CD58: variants seen among roughly 807,000 people sequenced by gnomAD.
CD58 encodes the protein lymphocyte function-associated antigen 3.
Under a neutral mutation model 27.6 loss-of-function variants are expected in CD58, and 14 were observed. That is an observed-to-expected ratio of 0.51 (90% CI 0.34 to 0.79). The LOEUF (loss-of-function observed/expected upper bound fraction) is 0.79, where lower values mean the gene tolerates loss of function less well. CD58 is among the 30% of genes least tolerant of loss of function. The pLI, the probability that CD58 is intolerant of heterozygous loss-of-function variation, is 0.02. For synonymous variants in CD58, 117 were observed against 103.8 expected (o/e 1.13, Z -0.77); for missense variants, 268 against 301.7 (o/e 0.89, Z 0.83).
Position 116,531,735 on chromosome 1 carries a change from T to G in CD58, c.628+4230A>C, listed in dbSNP as rs1657616353. On this transcript the variant is annotated intron_variant, in intron 3 of 5. Coordinates refer to ENST00000369489, the MANE Select transcript of CD58 (RefSeq NM_001779.3). The surrounding 1 kb of genome is among the most constrained non-coding windows in gnomAD (Gnocchi z 4.5). ...TCTATCAGTTATAAATTGGGACTCA[T>G]TTGCACTTTTTCTTTTTTTTCTCCG... Among the ~76,000 whole-genome samples, 1 of 152,244 alleles carries G rather than the reference T, an allele frequency of 6.6e-6. No homozygotes were observed. The highest frequency in any genetic ancestry group is 6.5e-5 in the Admixed American group (1 of 15,288).
In CD58 at chr1:116,528,695, A is replaced by G. The variant is rs1232405112; in HGVS notation, c.629-6712T>C. Among the ~76,000 whole-genome samples the G allele has an allele frequency of 2.0e-5, 3 of 152,170 alleles. No individual in the cohort carries two copies. The highest frequency in any genetic ancestry group is 7.2e-5 in the African/African-American group (3 of 41,432). ...TCTTCCCAGCAGTTATCTAAAAGAG[A>G]ATGGTGAAGTGCACTGGGTTTCTTT... On this transcript the variant is annotated intron_variant, in intron 3 of 5. Transcript: ENST00000369489. This position sits in a 1 kb window ranked among gnomAD's most constrained non-coding sequence, Gnocchi z 4.4.
At chr1:116,558,453 G>A (rs879086913) in intron 1 of CD58, among the ~76,000 whole-genome samples, 22 of 151,196 alleles carry the variant, frequency 1.5e-4, no homozygotes, top group Non-Finnish European at 2.4e-4. Flanking sequence ...AGGATGTGTG[G>A]CAATCTGGGA....
intron 3 of CD58, among the ~76,000 whole-genome samples, chr1:116,535,363 A>T (rs928349647): frequency 2.0e-4 from 30 of 152,240 alleles, no homozygotes; most frequent in Non-Finnish European, 4.1e-4. Context: ...TGAGCAAACA[A>T]CTTAAACTCT....
rs529443951 is a variant in CD58, at chr1:116,533,239, C to A, written c.628+2726G>T. The A allele has an allele frequency of 2.1e-5, 18 of 860,730 alleles. No individual in the cohort carries two copies. In the African/African-American group the frequency reaches 2.3e-4, roughly 11 times the overall value. 53.3% of individuals were successfully genotyped at this position (860,730 alleles called of 1,614,324 possible). A position where few individuals can be genotyped will look rare whatever the true frequency, so the allele number is the denominator to read the frequency against. ...AAGTTGAAAAATGACTCATTGGATA[C>A]TTGTTTGGTAATTGTTCTAACAGTG... On this transcript the variant is annotated intron_variant, in intron 3 of 5. Transcript: ENST00000369489.
rs1657717611 is a variant in CD58 at position 116,534,365 on chromosome 1, T to C, written c.628+1600A>G. On this transcript the variant is annotated intron_variant, in intron 3 of 5. Transcript: ENST00000369489. This position sits in a 1 kb window ranked among gnomAD's most constrained non-coding sequence, Gnocchi z 5.3. ...GGAAAAACTCAAATTCCTAAACATC[T>C]AATAAAGAGGTCCTGGACGTCTCCA... is the stretch of plus-strand genomic sequence containing the variant. Among the ~76,000 whole-genome samples, 1 of 152,186 alleles carries C rather than the reference T, an allele frequency of 6.6e-6. No homozygotes were observed. The highest frequency in any genetic ancestry group is 2.1e-4 in the South Asian group (1 of 4,832).
Position 116,514,741 on chromosome 1 carries a change from A to T in CD58, c.*72T>A, listed in dbSNP as rs1657021608. The T allele has an allele frequency of 7.0e-6, 7 of 1,006,536 alleles. No individual in the cohort carries two copies. The highest frequency in any genetic ancestry group is 1.1e-5 in the Non-Finnish European group (7 of 660,042). 62.4% of individuals were successfully genotyped at this position (1,006,536 alleles called of 1,614,324 possible). ...GTTGTTCAAAAATTGTAATACTCAA[A>T]TGAGAAATCAGATGGCTTTTTAGTT... On this transcript the variant is annotated 3_prime_UTR_variant, in exon 6 of 6. Coordinates refer to ENST00000369489, the MANE Select transcript of CD58 (RefSeq NM_001779.3).
chr1:116,535,942 G>A, intron 3 of CD58, 23 bp downstream of exon 3: 1 of 1,571,248 alleles, frequency 6.4e-7, no homozygotes, highest in East Asian at 2.3e-5. Flanking sequence ...AAGCCTCCAT[G>A]ACACATTTAG....
At chr1:116,544,243 G>T in intron 2 of CD58, 68 bp downstream of exon 2, 1 of 1,056,116 alleles carries the variant, frequency 9.5e-7, no homozygotes, top group Non-Finnish European at 1.4e-6. Context: ...ATTTGTGCTA[G>T]TCTCTGAAAA....
At position 116,515,320 on chromosome 1, in the gene CD58, C is replaced by T. The variant is rs934521147; in HGVS notation, c.744-498G>A. ...CGCATCCTTGAGCAAGCCCTCAAACCGAGTCCATTTCCCGGCCTCCTCCCC... is the reference window on the plus strand; with the variant it reads ...CGCATCCTTGAGCAAGCCCTCAAACTGAGTCCATTTCCCGGCCTCCTCCCC... On this transcript the variant is annotated intron_variant, in intron 5 of 5. Coordinates refer to ENST00000369489, the MANE Select transcript of CD58 (RefSeq NM_001779.3). This position sits in a 1 kb window ranked among gnomAD's most constrained non-coding sequence, Gnocchi z 4.6. Among the ~76,000 whole-genome samples the T allele has an allele frequency of 6.6e-6, 1 of 152,170 alleles. No individual in the cohort carries two copies. Among genetic ancestry groups the T allele is most frequent in the Non-Finnish European group, 1.5e-5 (1 of 68,052 alleles).
chr1:116,544,695 A>G (rs1340287964), intron 1 of CD58, 91 bp from the exon 2 acceptor site: 32 of 801,576 alleles, frequency 4.0e-5, no homozygotes, highest in Non-Finnish European at 4.7e-5. Context: ...AAGCTGACAA[A>G]CTGCTGACAC....
chr1:116,529,704 AGGAGTTT>A (rs1657534561), intron 3 of CD58, among the ~76,000 whole-genome samples: 1 of 152,260 alleles, frequency 6.6e-6, no homozygotes, highest in South Asian at 2.1e-4. Flanking sequence ...AATCATTTAC[AGGAGTTT>A]GTTGTGGAGC....
At chr1:116,562,229 C>T (rs560926170) in intron 1 of CD58, among the ~76,000 whole-genome samples, 221 of 152,138 alleles carry the variant, frequency 1.5e-3, no homozygotes, top group African/African-American at 5.2e-3. Flanking sequence ...ATACAAGGAA[C>T]TTAAAATCTA....
At chr1:116,549,844 C>T (rs775798476) in intron 1 of CD58, among the ~76,000 whole-genome samples, 5 of 152,016 alleles carry the variant, frequency 3.3e-5, no homozygotes, top group African/African-American at 9.7e-5. Context: ...TTGAAGATAC[C>T]GTGGGTTTGG....
chr1:116,524,009 C>T lies in CD58; in HGVS notation c.629-2026G>A, dbSNP rs1479218701. On this transcript the variant is annotated intron_variant, in intron 3 of 5. Coordinates refer to ENST00000369489, the MANE Select transcript of CD58 (RefSeq NM_001779.3). This position sits in a 1 kb window ranked among gnomAD's most constrained non-coding sequence, Gnocchi z 4.6. ...GAAGTTGTTATTCTTATTGATGTTC[C>T]AATTGTCTTATTTTTGGCCAGAGGG... Among the ~76,000 whole-genome samples, 4 of 152,092 alleles carry T rather than the reference C, an allele frequency of 2.6e-5. No homozygotes were observed. The highest frequency in any genetic ancestry group is 9.7e-5 in the African/African-American group (4 of 41,420).
intron 1 of CD58, among the ~76,000 whole-genome samples, chr1:116,549,036 G>A (rs1437058062): frequency 2.0e-5 from 3 of 152,130 alleles, no homozygotes; most frequent in Non-Finnish European, 2.9e-5. Context: ...TGACTCCTTG[G>A]TCAGTGCCCT....
intron 3 of CD58, among the ~76,000 whole-genome samples, chr1:116,529,316 A>G (rs1404471649): frequency 6.6e-6 from 1 of 152,250 alleles, no homozygotes; most frequent in African/African-American, 2.4e-5. Context: ...ATCTACTCTG[A>G]CCGCAGATAA....
chr1:116,530,571 G>A (rs546866267), intron 3 of CD58, among the ~76,000 whole-genome samples: 2 of 152,252 alleles, frequency 1.3e-5, no homozygotes, highest in South Asian at 4.1e-4. Flanking sequence ...TAGTGGTGAG[G>A]AGCAAATGAG....
Position 116,550,815 on chromosome 1 carries a change from G to T in CD58, c.71-6211C>A, listed in dbSNP as rs1383883939. Among the ~76,000 whole-genome samples, 1 of 152,120 alleles carries T rather than the reference G, an allele frequency of 6.6e-6. No homozygotes were observed. The highest frequency in any genetic ancestry group is 2.4e-5 in the African/African-American group (1 of 41,502). On this transcript the variant is annotated intron_variant, in intron 1 of 5. Coordinates refer to ENST00000369489, the MANE Select transcript of CD58 (RefSeq NM_001779.3). The surrounding 1 kb of genome is among the most constrained non-coding windows in gnomAD (Gnocchi z 4.2). ...ATTCCTACATAATAAGACTTCAAAG[G>T]CAAAATTACTCCTTGATCCATGGGC... is the stretch of plus-strand genomic sequence containing the variant.
rs2101168247 is a variant in CD58 at position 116,531,363 on chromosome 1, T to A, written c.628+4602A>T. 6.6e-6 allele frequency among the ~76,000 whole-genome samples: 1 copy of A among 152,368 alleles called. No individual in the cohort carries two copies. The highest frequency in any genetic ancestry group is 6.5e-5 in the Admixed American group (1 of 15,310). Reference sequence around the variant, plus strand: ...TGGAACACTTAAAACTTTTCAAGATTTCAACTTGCTTGCTCTGTCTATATG... The same window carrying A: ...TGGAACACTTAAAACTTTTCAAGATATCAACTTGCTTGCTCTGTCTATATG... On this transcript the variant is annotated intron_variant, in intron 3 of 5. Transcript: ENST00000369489. The surrounding 1 kb of genome is among the most constrained non-coding windows in gnomAD (Gnocchi z 4.5).
Sources: allele counts gnomAD v4.1 joint callset (sites outside exome capture counted in the v4.1 genomes callset), GRCh38; gene constraint gnomAD v4.1.1; non-coding constraint Gnocchi (gnomAD v3.1); transcripts MANE v1.5; gene names NCBI Gene and HGNC (gene_info 2026-07-23, HGNC 2026-07-21).